MBP: variants seen among roughly 807,000 people sequenced by gnomAD.
MBP encodes the protein Golli-MBP.
In MBP, 16 loss-of-function variants were observed where a neutral mutation model predicts 35.8. The observed-to-expected ratio is 0.45, with a 90% CI of 0.30 to 0.68. The LOEUF is 0.68. MBP is among the 30% of genes least tolerant of loss of function. The pLI, the probability that MBP is intolerant of heterozygous loss-of-function variation, is 0.08. For synonymous variants in MBP, 143 were observed against 159.6 expected, an observed-to-expected ratio of 0.90 and a Z score of 0.78; for missense variants, 380 against 404.7, an observed-to-expected ratio of 0.94 and a Z score of 0.52.
intron 7 of MBP, chr18:76,986,980 G>A (rs957058222): frequency 2.8e-5 from 28 of 985,302 alleles, no homozygotes; most frequent in African/African-American, 7.0e-5. Context: ...AGAGTCCTGC[G>A]GCTCTGGGAA....
intron 3 of MBP, among the ~76,000 whole-genome samples, chr18:77,018,891 T>C (rs1971842380): frequency 6.8e-6 from 1 of 147,922 alleles, no homozygotes; most frequent in Non-Finnish European, 1.5e-5. Flanking sequence ...CATCCATCCA[T>C]CCATCCATCC....
chr18:77,122,889 A>C (rs1407404679), intron 1 of MBP, among the ~76,000 whole-genome samples: 1 of 152,200 alleles, frequency 6.6e-6, no homozygotes, highest in Non-Finnish European at 1.5e-5. Context: ...AGTCGTCATC[A>C]TCCAGTCTAC....
Position 77,044,342 on chromosome 18 carries a change from C to T in MBP, c.139+21956G>A, listed in dbSNP as rs1053190541. Among the ~76,000 whole-genome samples the T allele has an allele frequency of 2.6e-5, 4 of 152,146 alleles. No homozygotes were observed. The highest frequency in any genetic ancestry group is 1.3e-4 in the Admixed American group (2 of 15,278). ...ACTGTCCTCCAAGCTTCAGGTCCAC[C>T]GTGACCTCCCCCAACTCTGCTGCAG... On this transcript the variant is annotated intron_variant, in intron 3 of 8. Coordinates refer to ENST00000355994, the MANE Select transcript of MBP (RefSeq NM_001025101.2). The surrounding 1 kb of genome is among the most constrained non-coding windows in gnomAD (Gnocchi z 4.4).
intron 1 of MBP, among the ~76,000 whole-genome samples, chr18:77,129,457 A>T (rs1363450849): frequency 6.6e-6 from 1 of 152,200 alleles, no homozygotes; most frequent in Non-Finnish European, 1.5e-5. Flanking sequence ...TGGCCAGCCC[A>T]CCTCTGCATA....
intron 3 of MBP, among the ~76,000 whole-genome samples, chr18:77,064,217 C>T (rs1974098754): frequency 6.6e-6 from 1 of 152,160 alleles, no homozygotes; most frequent in Non-Finnish European, 1.5e-5. Flanking sequence ...ACCATCAAGG[C>T]TGGGACATCC....
At chr18:77,053,784 C>T (rs1173605542) in intron 3 of MBP, among the ~76,000 whole-genome samples, 1 of 152,230 alleles carries the variant, frequency 6.6e-6, no homozygotes, top group East Asian at 1.9e-4. Context: ...AGTCATCCAG[C>T]AAATATTGAT....
At chr18:77,005,446 C>T (rs1354484612) in intron 4 of MBP, 2 of 152,154 alleles carry the variant, frequency 1.3e-5, no homozygotes, top group Non-Finnish European at 2.9e-5. Flanking sequence ...CCGAGAGACC[C>T]ACGGAAAAAA....
At chr18:77,001,123 G>C (rs1372318396) in intron 4 of MBP, among the ~76,000 whole-genome samples, 3 of 151,864 alleles carry the variant, frequency 2.0e-5, no homozygotes, top group East Asian at 1.9e-4. Context: ...CTGCCCACCC[G>C]GTCCCCACTC....
intron 2 of MBP, among the ~76,000 whole-genome samples, chr18:77,079,951 G>A (rs1974824482): frequency 6.6e-6 from 1 of 152,194 alleles, no homozygotes; most frequent in East Asian, 1.9e-4. Flanking sequence ...ACCAACTAGA[G>A]TGCAAGAAGC....
chr18:77,113,765 CACAG>C (rs1976555179), intron 1 of MBP: 1 of 152,580 alleles, frequency 6.6e-6, no homozygotes, highest in African/African-American at 2.4e-5. Context: ...AGACCACGCA[CACAG>C]ACAATGTTCT....
chr18:77,066,597 A>G (rs1279986199), intron 2 of MBP: 1 of 749,438 alleles, frequency 1.3e-6, no homozygotes, highest in Admixed American at 1.7e-5. Context: ...GCACCTAAGC[A>G]CTTTCTGGAC....
At chr18:76,996,799 C>CAT (rs1468840999) in intron 4 of MBP, among the ~76,000 whole-genome samples, 2 of 152,124 alleles carry the variant, frequency 1.3e-5, no homozygotes, top group Non-Finnish European at 2.9e-5. Flanking sequence ...TACACAAATC[C>CAT]ATACGTGCAT....
intron 2 of MBP, among the ~76,000 whole-genome samples, chr18:77,078,943 C>T (rs55656901): frequency 0.067 from 10,208 of 152,266 alleles, 437 homozygotes; most frequent in East Asian, 0.1. Flanking sequence ...TGCCCAGCAC[C>T]CTCCCAAGAC....
rs919156135 is a variant in MBP at position 76,987,558 on chromosome 18, T to C, written c.750+937A>G. ...TTTCTTTCCCTGTTCTTTCTTCCTG[T>C]TCTTTCTCCTTGTTGTTTTTCTTTT... On this transcript the variant is annotated intron_variant, in intron 7 of 8. Coordinates refer to ENST00000355994, the MANE Select transcript of MBP (RefSeq NM_001025101.2). 7.1e-6 allele frequency: 7 copies of C among 985,316 alleles called. No individual in the cohort carries two copies. The African/African-American group carries it at 1.2e-4, about 17-fold the overall frequency. 61.0% of individuals were successfully genotyped at this position (985,316 alleles called of 1,614,324 possible).
chr18:77,051,587 G>A, intron 3 of MBP, among the ~76,000 whole-genome samples: 1 of 152,166 alleles, frequency 6.6e-6, no homozygotes, highest in East Asian at 1.9e-4. Context: ...GGGGCTGAAG[G>A]ACCCGATTTT....
chr18:77,100,220 GAC>G (rs1320394849), intron 2 of MBP, among the ~76,000 whole-genome samples: 1 of 152,118 alleles, frequency 6.6e-6, no homozygotes, highest in Non-Finnish European at 1.5e-5. Flanking sequence ...CAGAGATTAG[GAC>G]ACAGACACAC....
At chr18:77,050,494 T>C (rs568566943) in intron 3 of MBP, among the ~76,000 whole-genome samples, 3 of 152,224 alleles carry the variant, frequency 2.0e-5, no homozygotes, top group Non-Finnish European at 2.9e-5. Context: ...CCTTCTTCAT[T>C]GCCATAACTG....
chr18:77,071,318 A>G (rs945771551), intron 2 of MBP, among the ~76,000 whole-genome samples: 20 of 152,000 alleles, frequency 1.3e-4, no homozygotes, highest in Non-Finnish European at 2.9e-4. Context: ...GCTGTATTCA[A>G]CACATGTAAG....
intron 4 of MBP, chr18:77,013,393 G>T (rs879113237): frequency 1.0e-6 from 1 of 985,422 alleles, no homozygotes; most frequent in Non-Finnish European, 1.2e-6. Flanking sequence ...AATGGTACAC[G>T]CCCCATGGGA....
Sources: allele counts gnomAD v4.1 joint callset (sites outside exome capture counted in the v4.1 genomes callset), GRCh38; gene constraint gnomAD v4.1.1; non-coding constraint Gnocchi (gnomAD v3.1); transcripts MANE v1.5; gene names NCBI Gene and HGNC (gene_info 2026-07-23, HGNC 2026-07-21).